ZEB1: variants seen among roughly 807,000 people sequenced by gnomAD.
ZEB1 encodes zinc finger E-box-binding homeobox 1.
Under a neutral mutation model 84.9 loss-of-function variants are expected in ZEB1, and 21 were observed. The ratio of observed to expected loss-of-function variants is 0.25; its 90% CI spans 0.18 to 0.36. The LOEUF is 0.36. Ranked by LOEUF, ZEB1 falls within the 10% of genes least tolerant of loss-of-function variation. The pLI, the probability that ZEB1 is intolerant of heterozygous loss-of-function variation, is 1.00. For missense variants in ZEB1, 1,104 were observed against 1,330.2 expected (o/e 0.83, Z 2.65); for synonymous variants, 420 against 471.1 (o/e 0.89, Z 1.41).
chr10:31,408,700 A>G (rs1590946976), intron 1 of ZEB1, among the ~76,000 whole-genome samples: 1 of 145,430 alleles, frequency 6.9e-6, no homozygotes, highest in Non-Finnish European at 1.5e-5. Flanking sequence ...ATATGTAGAA[A>G]GCTGAAACTG....
rs1248970781 is a variant in ZEB1 at position 31,474,696 on chromosome 10, C to T, written c.259+13459C>T. Among the ~76,000 whole-genome samples the T allele has an allele frequency of 7.2e-5, 11 of 152,280 alleles. No individual in the cohort carries two copies. In the East Asian group the frequency reaches 1.9e-3, roughly 27 times the overall value. On this transcript the variant is annotated intron_variant, in intron 2 of 8. Coordinates refer to ENST00000424869, the MANE Select transcript of ZEB1 (RefSeq NM_001174096.2). ...GAACTAGAAATACCATTTGACCCAG[C>T]TATCCCATTACTGGGTATATACCCA... is the stretch of plus-strand genomic sequence containing the variant.
chr10:31,510,746 G>A lies in ZEB1; in HGVS notation c.558G>A (p.Leu186=). 1.2e-6 allele frequency: 2 copies of A among 1,613,880 alleles called. No homozygotes were observed. Among genetic ancestry groups the A allele is most frequent in the Non-Finnish European group, 1.7e-6 (2 of 1,179,882 alleles). ...GAGGCTATAAACGCTTTACCTCTCT[G>A]AAAGAACACATTAAATATCGTCATG... ...CDRGYKRFTS[L]KEHIKYRHEK... is the part of the protein sequence containing the mutation. The change falls in exon 5 of 9, where the codon CTG becomes CTA. Residue 186 remains leucine (L), a synonymous_variant. Coordinates refer to ENST00000424869, the MANE Select transcript of ZEB1 (RefSeq NM_001174096.2).
intron 1 of ZEB1, among the ~76,000 whole-genome samples, chr10:31,404,676 G>T (rs1218574990): frequency 6.6e-6 from 1 of 152,026 alleles, no homozygotes; most frequent in African/African-American, 2.4e-5. Flanking sequence ...ATCATTGGGA[G>T]GTACTGCATT....
Position 31,520,335 on chromosome 10 carries a change from A to T in ZEB1, c.1003A>T (p.Asn335Tyr), listed in dbSNP as rs1449025160. The T allele has an allele frequency of 6.2e-7, 1 of 1,613,978 alleles. No individual in the cohort carries two copies. Among genetic ancestry groups the T allele is most frequent in the East Asian group, 2.2e-5 (1 of 44,842 alleles). ...ACCACAGATACGGCAAAAGATAGAGAATAAACCCCTTCAAGAACAACTTTC... is the reference window on the plus strand; with the variant it reads ...ACCACAGATACGGCAAAAGATAGAGTATAAACCCCTTCAAGAACAACTTTC... ...TRPQIRQKIE[N>Y]KPLQEQLSVN... Residue 335 changes from asparagine to tyrosine, a missense_variant, in exon 7 of 9, where the codon AAT becomes TAT. By Grantham distance (143) the Asn-to-Tyr change is moderately radical (BLOSUM62 -2). Around this residue, in one of 7 missense-constraint regions of ZEB1, gnomAD observed 111 missense variants for 161.8 expected, o/e 0.69. Coordinates refer to ENST00000424869, the MANE Select transcript of ZEB1 (RefSeq NM_001174096.2). The surrounding 1 kb of genome is among the most constrained non-coding windows in gnomAD (Gnocchi z 5.1).
At chr10:31,392,522 T>C (rs986486107) in intron 1 of ZEB1, among the ~76,000 whole-genome samples, 1 of 152,086 alleles carries the variant, frequency 6.6e-6, no homozygotes, top group Non-Finnish European at 1.5e-5. Flanking sequence ...TTTAATGTTA[T>C]AGTAGGACTT....
chr10:31,361,070 T>C, intron 1 of ZEB1: 8 of 1,611,786 alleles, frequency 5.0e-6, no homozygotes, highest in Non-Finnish European at 6.8e-6. Context: ...ATCAGACTTC[T>C]TTTCTCTAAG....
At chr10:31,485,155 G>C (rs111839188) in intron 2 of ZEB1, among the ~76,000 whole-genome samples, 5 of 151,880 alleles carry the variant, frequency 3.3e-5, no homozygotes, top group African/African-American at 1.2e-4. Flanking sequence ...AGGTGAAAAT[G>C]TTTCAGACAA....
At chr10:31,499,433 A>G (rs530164211) in intron 3 of ZEB1, among the ~76,000 whole-genome samples, 9 of 152,276 alleles carry the variant, frequency 5.9e-5, no homozygotes, top group East Asian at 1.9e-4. Context: ...AAAATTTCCA[A>G]TAACCTACCC....
chr10:31,438,391 CCA>C (rs1239372854), intron 1 of ZEB1, among the ~76,000 whole-genome samples: 1 of 152,084 alleles, frequency 6.6e-6, no homozygotes, highest in Non-Finnish European at 1.5e-5. Flanking sequence ...ATTTCAAAAT[CCA>C]CAGATATTTA....
At chr10:31,321,240 T>A (rs1363413113) in intron 1 of ZEB1, 18 of 1,223,516 alleles carry the variant, frequency 1.5e-5, no homozygotes, top group Non-Finnish European at 1.7e-5. Flanking sequence ...CGAAGATTTT[T>A]AAGCTGTTTC....
chr10:31,394,740 A>G (rs1031623866), intron 1 of ZEB1, among the ~76,000 whole-genome samples: 1 of 152,218 alleles, frequency 6.6e-6, no homozygotes, highest in Non-Finnish European at 1.5e-5. Context: ...GTTCCGTCAT[A>G]TGCATGTACT....
At chr10:31,332,063 G>GA (rs1288552238) in intron 1 of ZEB1, among the ~76,000 whole-genome samples, 1 of 152,144 alleles carries the variant, frequency 6.6e-6, no homozygotes, top group African/African-American at 2.4e-5. Context: ...TACTAAAAGT[G>GA]AAAAAAGTTG....
Position 31,461,087 on chromosome 10 carries a change from G to A in ZEB1, c.109G>A (p.Asp37Asn), listed in dbSNP as rs1404751391. 6.2e-7 allele frequency: 1 copy of A among 1,613,320 alleles called. No individual in the cohort carries two copies. Among genetic ancestry groups the A allele is most frequent in the East Asian group, 2.2e-5 (1 of 44,828 alleles). Residue 37 changes from aspartate to asparagine, a missense_variant, in exon 2 of 9, where the codon GAC becomes AAC. Asp to Asn is a conservative substitution (Grantham distance 23). This residue lies in a region of ZEB1 where 162 missense variants were observed against 184.5 expected (regional missense o/e 0.88). Transcript: ENST00000424869. The part of the protein sequence containing the change: ...VETNSDSDDE[D>N]KLHIVEEESV... The stretch of plus-strand genomic sequence containing the variant: ...AACAAATTCAGATTCAGATGATGAA[G>A]ACAAACTGCATATTGTGGAAGAAGA...
At chr10:31,386,776 C>T (rs750811687) in intron 1 of ZEB1, among the ~76,000 whole-genome samples, 7 of 151,978 alleles carry the variant, frequency 4.6e-5, no homozygotes, top group Non-Finnish European at 1.0e-4. Flanking sequence ...TGGCTCTAAC[C>T]CATTGCTTTT....
At chr10:31,394,833 C>G (rs920236493) in intron 1 of ZEB1, among the ~76,000 whole-genome samples, 10 of 152,104 alleles carry the variant, frequency 6.6e-5, no homozygotes, top group Non-Finnish European at 1.2e-4. Flanking sequence ...CACAGTAAAT[C>G]TAGGAAAGAG....
At chr10:31,344,070 A>G (rs1307356921) in intron 1 of ZEB1, among the ~76,000 whole-genome samples, 1 of 152,080 alleles carries the variant, frequency 6.6e-6, no homozygotes, top group South Asian at 2.1e-4. Flanking sequence ...TGACAGCCTC[A>G]CTGGATCCTG....
rs1440287913 is a variant in ZEB1 at position 31,437,209 on chromosome 10, T to C, written c.59-23828T>C. 3.3e-5 allele frequency among the ~76,000 whole-genome samples: 5 copies of C among 152,232 alleles called. No individual in the cohort carries two copies. The East Asian group carries it at 9.6e-4, about 29-fold the overall frequency. ...TAGTATTTATTTTCTGCATCACTTT[T>C]AATTTAGCATTTAATTATGTACTAT... On this transcript the variant is annotated intron_variant, in intron 1 of 8. Transcript: ENST00000424869.
At chr10:31,471,159 C>T (rs1225131392) in intron 2 of ZEB1, among the ~76,000 whole-genome samples, 4 of 124,136 alleles carry the variant, frequency 3.2e-5, no homozygotes, top group East Asian at 2.2e-4. Context: ...CATGAACTAA[C>T]GAGCAAAATC....
At chr10:31,465,492 C>T (rs2062305916) in intron 2 of ZEB1, among the ~76,000 whole-genome samples, 3 of 151,378 alleles carry the variant, frequency 2.0e-5, no homozygotes, top group Admixed American at 2.0e-4. Flanking sequence ...TCAATGGAAG[C>T]AGCAAAGAAA....
Sources: allele counts gnomAD v4.1 joint callset (sites outside exome capture counted in the v4.1 genomes callset), GRCh38; gene constraint gnomAD v4.1.1; regional missense constraint gnomAD v4.1.1; non-coding constraint Gnocchi (gnomAD v3.1); transcripts MANE v1.5; gene names NCBI Gene and HGNC (gene_info 2026-07-23, HGNC 2026-07-21).